SOX21: variants seen among roughly 807,000 people sequenced by gnomAD.
The protein encoded by SOX21 is SRY-box transcription factor 21.
For missense variants in SOX21, 370 were observed against 388.8 expected (o/e 0.95, Z 0.41); for synonymous variants, 237 against 189.7 (o/e 1.25, Z -2.05).
rs1384211222 is a variant in SOX21 at position 94,709,897 on chromosome 13, A to G, written c.*1322T>C. ...ATACATTTAAAAAGAAACAAAGCTA[A>G]TAATTGAAGGTTCCTTTTTTCTAAA... On this transcript the variant is annotated 3_prime_UTR_variant, in exon 1 of 1. Transcript: ENST00000376945. The G allele has an allele frequency of 6.6e-6, 1 of 152,304 alleles. No homozygotes were observed. Among genetic ancestry groups the G allele is most frequent in the Non-Finnish European group, 1.5e-5 (1 of 68,042 alleles). 9.4% of individuals were successfully genotyped at this position (152,304 alleles called of 1,614,324 possible).
chr13:94,711,436 A>G lies in SOX21; in HGVS notation c.614T>C (p.Phe205Ser), dbSNP rs1227335828. The G allele has an allele frequency of 2.0e-5, 18 of 904,302 alleles. No homozygotes were observed. Among genetic ancestry groups the G allele is most frequent in the Non-Finnish European group, 2.4e-5 (18 of 752,954 alleles). 56.0% of individuals were successfully genotyped at this position (904,302 alleles called of 1,614,324 possible). A position where few individuals can be genotyped will look rare whatever the true frequency, so the allele number is the denominator to read the frequency against. Residue 205 changes from phenylalanine (F) to serine (S), a missense_variant, in exon 1 of 1, where the codon TTC (phenylalanine) becomes TCC (serine). By Grantham distance (155) the Phe-to-Ser change is radical. Coordinates refer to ENST00000376945, the MANE Select transcript of SOX21 (RefSeq NM_007084.4). ...TGCAGCCGCCGCCGCCGCGCCGTGG[A>G]AGGCGCCCGCGCCCGCGGTCGGGTA... ...LGYPTAGAGA[F>S]HGAAAAAAAA...
At position 94,711,186 on chromosome 13, in the gene SOX21, G is replaced by A; in HGVS notation, c.*33C>T. ...CGTACCTATACATATGTACACGTGT[G>A]CACACCGGTCCTCGCGAGGCGGCCC... On this transcript the variant is annotated 3_prime_UTR_variant, in exon 1 of 1. Transcript: ENST00000376945. 7.7e-7 allele frequency: 1 copy of A among 1,299,792 alleles called. No individual in the cohort carries two copies. Among genetic ancestry groups the A allele is most frequent in the Non-Finnish European group, 9.7e-7 (1 of 1,028,810 alleles). 80.5% of individuals were successfully genotyped at this position (1,299,792 alleles called of 1,614,324 possible). A position where few individuals can be genotyped will look rare whatever the true frequency, so the allele number is the denominator to read the frequency against.
Position 94,711,940 on chromosome 13 carries a change from T to C in SOX21, c.110A>G (p.Glu37Gly), listed in dbSNP as rs1875271454. Reference protein sequence around the residue: ...AQENPKMHNSEISKRLGAEWK... With the variant: ...AQENPKMHNSGISKRLGAEWK... ...CTCGGCGCCCAAGCGCTTGCTGATC[T>C]CCGAGTTGTGCATCTTGGGGTTCTC... Residue 37 changes from glutamate (E) to glycine (G), a missense_variant, in exon 1 of 1, where the codon GAG becomes GGG. By Grantham distance (98) the Glu-to-Gly change is moderately conservative. Coordinates refer to ENST00000376945, the MANE Select transcript of SOX21 (RefSeq NM_007084.4). The C allele has an allele frequency of 6.2e-7, 1 of 1,614,016 alleles. No individual in the cohort carries two copies. Among genetic ancestry groups the C allele is most frequent in the Non-Finnish European group, 8.5e-7 (1 of 1,179,944 alleles).
rs1875237626 is a variant in SOX21 at position 94,711,402 on chromosome 13, G to GGCCGCCGCTGCAGCC, written c.633_647dup (p.Ala215_Ala219dup). On this transcript the variant is annotated inframe_insertion, in exon 1 of 1. Coordinates refer to ENST00000376945, the MANE Select transcript of SOX21 (RefSeq NM_007084.4). ...AGTGCGTGTGCCCCCCGGCGGCGGC[G>GGCCGCCGCTGCAGCC]GCCGCCGCTGCAGCCGCCGCCGCCG... 4 of 739,454 alleles carry GGCCGCCGCTGCAGCC rather than the reference G, an allele frequency of 5.4e-6. No individual in the cohort carries two copies. Among genetic ancestry groups the GGCCGCCGCTGCAGCC allele is most frequent in the African/African-American group, 3.8e-5 (2 of 52,272 alleles). The allele number at this position is 739,454 out of a possible 1,614,324, so 45.8% of individuals were successfully genotyped here.
rs1039184898 is a variant in SOX21 at position 94,712,150 on chromosome 13, C to T, written c.-101G>A. 4.2e-6 allele frequency: 6 copies of T among 1,427,730 alleles called. No homozygotes were observed. Among genetic ancestry groups the T allele is most frequent in the Admixed American group, 6.7e-5 (2 of 29,650 alleles). 88.4% of individuals were successfully genotyped at this position (1,427,730 alleles called of 1,614,324 possible). On this transcript the variant is annotated 5_prime_UTR_variant, in exon 1 of 1. Transcript: ENST00000376945. The surrounding 1 kb of genome is among the most constrained non-coding windows in gnomAD (Gnocchi z 5.0). ...TGCCCGCGGAGACCCGCTCGGCCGG[C>T]CGGGGCTCGTCGCGCCCCGGCGTCG...
rs1875202582 is a variant in SOX21, at chr13:94,710,490, G to C, written c.*729C>G. The C allele has an allele frequency of 6.6e-6, 1 of 152,206 alleles. No individual in the cohort carries two copies. Among genetic ancestry groups the C allele is most frequent in the Admixed American group, 6.5e-5 (1 of 15,282 alleles). The allele number at this position is 152,206 out of a possible 1,614,324, so 9.4% of individuals were successfully genotyped here. A position where few individuals can be genotyped will look rare whatever the true frequency, so the allele number is the denominator to read the frequency against. On this transcript the variant is annotated 3_prime_UTR_variant, in exon 1 of 1. Coordinates refer to ENST00000376945, the MANE Select transcript of SOX21 (RefSeq NM_007084.4). ...TTTCTTGTTTGCGTTTCTTGCCCTT[G>C]AGAAAGAGCTCTTGCTCTGATTTGC...
Position 94,711,095 on chromosome 13 carries a change from T to C in SOX21, c.*124A>G, listed in dbSNP as rs1875221022. ...CCTCTCTGCCTCTACCTGGCACCTA[T>C]ACATTCTATGTACATACAAACCGGG... is the stretch of plus-strand genomic sequence containing the variant. On this transcript the variant is annotated 3_prime_UTR_variant, in exon 1 of 1. Transcript: ENST00000376945. 5 of 989,628 alleles carry C rather than the reference T, an allele frequency of 5.1e-6. No homozygotes were observed. Among genetic ancestry groups the C allele is most frequent in the African/African-American group, 1.7e-5 (1 of 59,126 alleles). 61.3% of individuals were successfully genotyped at this position (989,628 alleles called of 1,614,324 possible).
chr13:94,711,426 C>T lies in SOX21; in HGVS notation c.624G>A (p.Ala208=). 1 of 799,828 alleles carries T rather than the reference C, an allele frequency of 1.3e-6. No homozygotes were observed. Among genetic ancestry groups the T allele is most frequent in the South Asian group, 5.5e-5 (1 of 18,068 alleles). 49.5% of individuals were successfully genotyped at this position (799,828 alleles called of 1,614,324 possible). Reference sequence around the variant, plus strand: ...CGGCCGCCGCTGCAGCCGCCGCCGCCGCGCCGTGGAAGGCGCCCGCGCCCG... The same window carrying T: ...CGGCCGCCGCTGCAGCCGCCGCCGCTGCGCCGTGGAAGGCGCCCGCGCCCG... ...PTAGAGAFHG[A]AAAAAAAAAA... Residue 208 remains alanine (A), a synonymous_variant, in exon 1 of 1, where the codon GCG becomes GCA. Coordinates refer to ENST00000376945, the MANE Select transcript of SOX21 (RefSeq NM_007084.4).
In SOX21 at chr13:94,712,485, G is replaced by C; in HGVS notation, c.-436C>G. 1 of 985,558 alleles carries C rather than the reference G, an allele frequency of 1.0e-6. No homozygotes were observed. Among genetic ancestry groups the C allele is most frequent in the South Asian group, 4.7e-5 (1 of 21,150 alleles). 61.1% of individuals were successfully genotyped at this position (985,558 alleles called of 1,614,324 possible). ...CGCGGAGACTCCTCGAAGTTGAGCC[G>C]AGGAGCCCGCCGCCGCGTGCTGCCA... On this transcript the variant is annotated 5_prime_UTR_variant, in exon 1 of 1. Coordinates refer to ENST00000376945, the MANE Select transcript of SOX21 (RefSeq NM_007084.4). This position sits in a 1 kb window ranked among gnomAD's most constrained non-coding sequence, Gnocchi z 5.0.
At position 94,711,137 on chromosome 13, in the gene SOX21, G is replaced by A; in HGVS notation, c.*82C>T. 3.4e-6 allele frequency: 4 copies of A among 1,192,518 alleles called. No homozygotes were observed. Among genetic ancestry groups the A allele is most frequent in the Non-Finnish European group, 4.2e-6 (4 of 951,046 alleles). The allele number at this position is 1,192,518 out of a possible 1,614,324, so 73.9% of individuals were successfully genotyped here. ...CAAACCGGGCCCCCGGTCGCGGGAGGGCGCACGGGGAGGCCGCAGCGCTCG... is the reference window on the plus strand; with the variant it reads ...CAAACCGGGCCCCCGGTCGCGGGAGAGCGCACGGGGAGGCCGCAGCGCTCG... On this transcript the variant is annotated 3_prime_UTR_variant, in exon 1 of 1. Transcript: ENST00000376945.
At position 94,712,075 on chromosome 13, in the gene SOX21, C is replaced by T; in HGVS notation, c.-26G>A. ...GCTCTCGCCCTGCCGCGGCTGCAGC[C>T]CGCCGCCTCCCGGGCCCTCGCCCTC... is the stretch of plus-strand genomic sequence containing the variant. On this transcript the variant is annotated 5_prime_UTR_variant, in exon 1 of 1. Transcript: ENST00000376945. This position sits in a 1 kb window ranked among gnomAD's most constrained non-coding sequence, Gnocchi z 5.0. The T allele has an allele frequency of 6.2e-7, 1 of 1,604,070 alleles. No homozygotes were observed. The highest frequency in any genetic ancestry group is 8.5e-7 in the Non-Finnish European group (1 of 1,175,178).
Position 94,712,066 on chromosome 13 carries a change from G to A in SOX21, c.-17C>T. ...CTTGGACATGCTCTCGCCCTGCCGC[G>A]GCTGCAGCCCGCCGCCTCCCGGGCC... On this transcript the variant is annotated 5_prime_UTR_variant, in exon 1 of 1. Transcript: ENST00000376945. This position sits in a 1 kb window ranked among gnomAD's most constrained non-coding sequence, Gnocchi z 5.0. The A allele has an allele frequency of 6.2e-7, 1 of 1,609,030 alleles. No homozygotes were observed. Among genetic ancestry groups the A allele is most frequent in the Non-Finnish European group, 8.5e-7 (1 of 1,177,558 alleles).
At position 94,711,570 on chromosome 13, in the gene SOX21, GGCA is replaced by G; in HGVS notation, c.477_479del (p.Ala166del). ...GGCTGCCCGCGGCGGCGGCGGCGGC[GGCA>G]GCGGCGGCGGCAGCGGCCGACTGCG... On this transcript the variant is annotated inframe_deletion, in exon 1 of 1. Coordinates refer to ENST00000376945, the MANE Select transcript of SOX21 (RefSeq NM_007084.4). 1.4e-6 allele frequency: 1 copy of G among 728,622 alleles called. No individual in the cohort carries two copies. The highest frequency in any genetic ancestry group is 1.7e-6 in the Non-Finnish European group (1 of 586,098). The allele number at this position is 728,622 out of a possible 1,614,324, so 45.1% of individuals were successfully genotyped here.
Position 94,711,888 on chromosome 13 carries a change from C to T in SOX21, c.162G>A (p.Lys54=). The stretch of plus-strand genomic sequence containing the variant: ...GCTTGGCCTCGTCGATGAACGGCCG[C>T]TTCTCCGACTCTGTGAGCAGTTTCC... ...AEWKLLTESE[K]RPFIDEAKRL... The change falls in exon 1 of 1, where the codon AAG becomes AAA. Residue 54 remains lysine, a synonymous_variant. Coordinates refer to ENST00000376945, the MANE Select transcript of SOX21 (RefSeq NM_007084.4). 6.2e-7 allele frequency: 1 copy of T among 1,614,016 alleles called. No individual in the cohort carries two copies.
Position 94,712,466 on chromosome 13 carries a change from G to A in SOX21, c.-417C>T. ...GCGTCCCCAAAAGTTGCGTCGCGGA[G>A]ACTCCTCGAAGTTGAGCCGAGGAGC... On this transcript the variant is annotated 5_prime_UTR_variant, in exon 1 of 1. Transcript: ENST00000376945. This position sits in a 1 kb window ranked among gnomAD's most constrained non-coding sequence, Gnocchi z 5.0. The A allele has an allele frequency of 1.0e-5, 10 of 988,924 alleles. No homozygotes were observed. Among genetic ancestry groups the A allele is most frequent in the Non-Finnish European group, 1.2e-5 (10 of 833,164 alleles). The allele number at this position is 988,924 out of a possible 1,614,324, so 61.3% of individuals were successfully genotyped here.
Position 94,711,439 on chromosome 13 carries a change from G to A in SOX21, c.611C>T (p.Ala204Val). The change falls in exon 1 of 1, where the codon GCC becomes GTC. Residue 204 changes from alanine to valine, a missense_variant. By Grantham distance (64) the Ala-to-Val change is moderately conservative. Coordinates refer to ENST00000376945, the MANE Select transcript of SOX21 (RefSeq NM_007084.4). ...SLGYPTAGAG[A>V]FHGAAAAAAA... ...AGCCGCCGCCGCCGCGCCGTGGAAG[G>A]CGCCCGCGCCCGCGGTCGGGTAGCC... 1 of 1,115,842 alleles carries A rather than the reference G, an allele frequency of 9.0e-7. No homozygotes were observed. Among genetic ancestry groups the A allele is most frequent in the Non-Finnish European group, 1.1e-6 (1 of 911,196 alleles). 69.1% of individuals were successfully genotyped at this position (1,115,842 alleles called of 1,614,324 possible).
In SOX21 at chr13:94,712,191, A is replaced by T; in HGVS notation, c.-142T>A. 7.3e-7 allele frequency: 1 copy of T among 1,364,162 alleles called. No individual in the cohort carries two copies. Among genetic ancestry groups the T allele is most frequent in the South Asian group, 1.7e-5 (1 of 59,746 alleles). The allele number at this position is 1,364,162 out of a possible 1,614,324, so 84.5% of individuals were successfully genotyped here. A position where few individuals can be genotyped will look rare whatever the true frequency, so the allele number is the denominator to read the frequency against. ...CCCGGCGTCGCTCCCGCCCCGGAGGAGGGGGCTGGGGGACCAGCCCAGGGC... is the reference window on the plus strand; with the variant it reads ...CCCGGCGTCGCTCCCGCCCCGGAGGTGGGGGCTGGGGGACCAGCCCAGGGC... On this transcript the variant is annotated 5_prime_UTR_variant, in exon 1 of 1. Coordinates refer to ENST00000376945, the MANE Select transcript of SOX21 (RefSeq NM_007084.4). This position sits in a 1 kb window ranked among gnomAD's most constrained non-coding sequence, Gnocchi z 5.0.
At position 94,712,079 on chromosome 13, in the gene SOX21, C is replaced by G. The variant is rs771274698; in HGVS notation, c.-30G>C. 1.1e-5 allele frequency: 18 copies of G among 1,603,602 alleles called. No homozygotes were observed. In the South Asian group the frequency reaches 1.9e-4, roughly 17 times the overall value. ...TCGCCCTGCCGCGGCTGCAGCCCGC[C>G]GCCTCCCGGGCCCTCGCCCTCGGCC... On this transcript the variant is annotated 5_prime_UTR_variant, in exon 1 of 1. Coordinates refer to ENST00000376945, the MANE Select transcript of SOX21 (RefSeq NM_007084.4). The surrounding 1 kb of genome is among the most constrained non-coding windows in gnomAD (Gnocchi z 5.0).
chr13:94,711,856 C>T lies in SOX21; in HGVS notation c.194G>A (p.Arg65His). Reference protein sequence around the residue: ...RPFIDEAKRLRAMHMKEHPDY... With the variant: ...RPFIDEAKRLHAMHMKEHPDY... ...GGGGTGCTCCTTCATGTGCATGGCG[C>T]GTAGACGCTTGGCCTCGTCGATGAA... Residue 65 changes from arginine (R) to histidine (H), a missense_variant, in exon 1 of 1, where the codon CGC (arginine) becomes CAC (histidine). Transcript: ENST00000376945. 1 of 1,613,962 alleles carries T rather than the reference C, an allele frequency of 6.2e-7. No individual in the cohort carries two copies. The highest frequency in any genetic ancestry group is 8.5e-7 in the Non-Finnish European group (1 of 1,179,944).
Sources: allele counts gnomAD v4.1 joint callset, GRCh38; gene constraint gnomAD v4.1.1; non-coding constraint Gnocchi (gnomAD v3.1); transcripts MANE v1.5; gene names NCBI Gene and HGNC (gene_info 2026-07-23, HGNC 2026-07-21).